Variants in CAMTA1 observed in about 807,000 individuals in gnomAD.
CAMTA1 encodes the protein calmodulin binding transcription activator 1, also known as calmodulin-binding transcription activator 1.
In CAMTA1, 27 loss-of-function variants were observed where a neutral mutation model predicts 170.9. The observed-to-expected ratio is 0.16, with a 90% CI of 0.12 to 0.22. CAMTA1 has a LOEUF of 0.22. Ranked by LOEUF, CAMTA1 falls within the 10% of genes least tolerant of loss-of-function variation. The pLI, the probability that CAMTA1 is intolerant of heterozygous loss-of-function variation, is 1.00. For missense variants in CAMTA1, 1,619 were observed against 2,217.2 expected (o/e 0.73, Z 5.42); for synonymous variants, 833 against 891.5 (o/e 0.93, Z 1.17).
intron 3 of CAMTA1, among the ~76,000 whole-genome samples, chr1:7,049,228 A>C (rs1374639828): frequency 6.6e-6 from 1 of 152,130 alleles, no homozygotes; most frequent in Non-Finnish European, 1.5e-5. Flanking sequence ...TGGACAAAGC[A>C]TAGAGGAAAC....
intron 4 of CAMTA1, among the ~76,000 whole-genome samples, chr1:7,153,884 C>T (rs1646717684): frequency 6.6e-6 from 1 of 152,208 alleles, no homozygotes; most frequent in South Asian, 2.1e-4. Flanking sequence ...GAGAAGGCTG[C>T]ATGGTGACAC....
At chr1:7,331,299 C>A (rs2083019548) in intron 5 of CAMTA1, among the ~76,000 whole-genome samples, 1 of 152,074 alleles carries the variant, frequency 6.6e-6, no homozygotes, top group South Asian at 2.1e-4. Flanking sequence ...CAGAGGAGAG[C>A]GAGCCTATGG....
chr1:6,917,335 C>T (rs1010034801), intron 3 of CAMTA1, among the ~76,000 whole-genome samples: 7 of 151,956 alleles, frequency 4.6e-5, no homozygotes, highest in Admixed American at 2.6e-4. Context: ...AATGAAGTGC[C>T]GTGGAGGGCC....
At position 7,663,342 on chromosome 1, in the gene CAMTA1, G is replaced by A. The variant is rs200922493; in HGVS notation, c.806-11G>A. On this transcript the variant is annotated splice_polypyrimidine_tract_variant and intron_variant, in intron 8 of 22. Transcript: ENST00000303635. ...CGTGTGCGTGCGCGTGTTGTGTTCC[G>A]ATCTCCGCAGGAGCTGGCGGCAGCG... 8.4e-5 allele frequency: 127 copies of A among 1,519,308 alleles called. 1 individual carries two copies. Among genetic ancestry groups the A allele is most frequent in the African/African-American group, 1.8e-4 (13 of 72,144 alleles). The allele number at this position is 1,519,308 out of a possible 1,614,324, so 94.1% of individuals were successfully genotyped here.
chr1:7,643,587 G>T (rs550073175), intron 7 of CAMTA1, among the ~76,000 whole-genome samples: 1 of 152,224 alleles, frequency 6.6e-6, no homozygotes, highest in Non-Finnish European at 1.5e-5. Flanking sequence ...ACTCCAGGGG[G>T]TGGAAACCAG....
chr1:7,230,683 G>A (rs1662617109), intron 4 of CAMTA1, among the ~76,000 whole-genome samples: 2 of 152,204 alleles, frequency 1.3e-5, no homozygotes, highest in Non-Finnish European at 2.9e-5. Flanking sequence ...GGGAGCCCAT[G>A]CCGGAGAGAT....
chr1:7,605,780 C>T (rs988926210), intron 6 of CAMTA1, among the ~76,000 whole-genome samples: 10 of 152,326 alleles, frequency 6.6e-5, no homozygotes, highest in East Asian at 1.9e-4. Context: ...GTCGCTCATG[C>T]GGGGAGCTGT....
chr1:7,625,796 A>G (rs1558020923), intron 6 of CAMTA1, among the ~76,000 whole-genome samples: 1 of 152,132 alleles, frequency 6.6e-6, no homozygotes, highest in African/African-American at 2.4e-5. Flanking sequence ...CTGCAAAGGC[A>G]TGTGCTCTGG....
intron 6 of CAMTA1, among the ~76,000 whole-genome samples, chr1:7,582,866 G>A (rs984680040): frequency 3.3e-5 from 5 of 151,798 alleles, no homozygotes; most frequent in African/African-American, 1.2e-4. Flanking sequence ...ATGGGCCCTG[G>A]GCACAATAGC....
intron 4 of CAMTA1, among the ~76,000 whole-genome samples, chr1:7,208,235 C>T (rs189663638): frequency 6.6e-6 from 1 of 152,232 alleles, no homozygotes; most frequent in African/African-American, 2.4e-5. Flanking sequence ...ACAAACTGAT[C>T]CAGGCTCATG....
Position 7,325,127 on chromosome 1 carries a change from G to T in CAMTA1, c.438+75501G>T, listed in dbSNP as rs535310755. On this transcript the variant is annotated intron_variant, in intron 5 of 22. Transcript: ENST00000303635. The surrounding 1 kb of genome is among the most constrained non-coding windows in gnomAD (Gnocchi z 5.0). ...ATACTTATTCAACATTAAATTCCAC[G>T]CACTGTTCTAGGAACATAGGAAACA... 1.3e-5 allele frequency among the ~76,000 whole-genome samples: 2 copies of T among 151,978 alleles called. No individual in the cohort carries two copies. The highest frequency in any genetic ancestry group is 6.6e-5 in the Admixed American group (1 of 15,250).
chr1:6,932,523 G>A (rs554015994), intron 3 of CAMTA1, among the ~76,000 whole-genome samples: 1 of 152,200 alleles, frequency 6.6e-6, no homozygotes, highest in South Asian at 2.1e-4. Context: ...CTTTTCTCTC[G>A]GGTAAATGCC....
Position 7,113,577 on chromosome 1 carries a change from C to T in CAMTA1, c.302+22206C>T, listed in dbSNP as rs992577714. Among the ~76,000 whole-genome samples, 2 of 152,166 alleles carry T rather than the reference C, an allele frequency of 1.3e-5. No individual in the cohort carries two copies. Among genetic ancestry groups the T allele is most frequent in the South Asian group, 2.1e-4 (1 of 4,836 alleles). Reference sequence around the variant, plus strand: ...GTGCCTATTTATTCATGGCATTTCACATCATAAGAGAGTTAAAGAGTTTGT... The same window carrying T: ...GTGCCTATTTATTCATGGCATTTCATATCATAAGAGAGTTAAAGAGTTTGT... On this transcript the variant is annotated intron_variant, in intron 4 of 22. Coordinates refer to ENST00000303635, the MANE Select transcript of CAMTA1 (RefSeq NM_015215.4). The surrounding 1 kb of genome is among the most constrained non-coding windows in gnomAD (Gnocchi z 4.5).
intron 7 of CAMTA1, among the ~76,000 whole-genome samples, chr1:7,647,716 G>T (rs2095818825): frequency 6.6e-6 from 1 of 152,192 alleles, no homozygotes; most frequent in Non-Finnish European, 1.5e-5. Context: ...GGGGACGGCG[G>T]GCTGGGAGCT....
chr1:7,426,999 C>T lies in CAMTA1; in HGVS notation c.439-40831C>T, dbSNP rs767433742. ...TTCCTTACTCAACATTCCCAGGTGT[C>T]GTCCCCTCTTAAGCTGTCCTAGATG... On this transcript the variant is annotated intron_variant, in intron 5 of 22. Coordinates refer to ENST00000303635, the MANE Select transcript of CAMTA1 (RefSeq NM_015215.4). The surrounding 1 kb of genome is among the most constrained non-coding windows in gnomAD (Gnocchi z 4.8). Among the ~76,000 whole-genome samples the T allele has an allele frequency of 3.3e-5, 5 of 152,066 alleles. No homozygotes were observed. The highest frequency in any genetic ancestry group is 7.2e-5 in the African/African-American group (3 of 41,390).
At chr1:6,833,362 A>T (rs1651318678) in intron 3 of CAMTA1, among the ~76,000 whole-genome samples, 1 of 152,364 alleles carries the variant, frequency 6.6e-6, no homozygotes, top group Non-Finnish European at 1.5e-5. Context: ...AAAACTCAGT[A>T]TAAAATTAAT....
intron 11 of CAMTA1, among the ~76,000 whole-genome samples, chr1:7,703,699 A>G (rs774260878): frequency 6.6e-6 from 1 of 152,212 alleles, no homozygotes; most frequent in South Asian, 2.1e-4. Flanking sequence ...ATCTATATCT[A>G]TTAGTATATA....
At chr1:7,716,229 T>TA (rs2096608990) in intron 11 of CAMTA1, among the ~76,000 whole-genome samples, 1 of 152,112 alleles carries the variant, frequency 6.6e-6, no homozygotes, top group South Asian at 2.1e-4. Flanking sequence ...GATAGGGTCT[T>TA]ACTATGTGGC....
chr1:6,883,908 T>C (rs1672357512), intron 3 of CAMTA1, among the ~76,000 whole-genome samples: 1 of 152,228 alleles, frequency 6.6e-6, no homozygotes, highest in African/African-American at 2.4e-5. Flanking sequence ...CTACATTACA[T>C]GACCATGTAG....
Sources: allele counts gnomAD v4.1 joint callset (sites outside exome capture counted in the v4.1 genomes callset), GRCh38; gene constraint gnomAD v4.1.1; non-coding constraint Gnocchi (gnomAD v3.1); transcripts MANE v1.5; gene names NCBI Gene and HGNC (gene_info 2026-07-23, HGNC 2026-07-21).